Variants in RAP1GAP2 observed in about 807,000 individuals in gnomAD.
RAP1GAP2 encodes the protein RAP1 GTPase activating protein 2, also known as rap1 GTPase-activating protein 2.
RAP1GAP2 carries 27 observed loss-of-function variants against 95.0 expected under a neutral mutation model. That is an observed-to-expected ratio of 0.28 (90% CI 0.21 to 0.39). The LOEUF (loss-of-function observed/expected upper bound fraction) is 0.39. Among genes scored for constraint, RAP1GAP2 ranks in the 10% least tolerant of loss-of-function variants. The probability of loss-of-function intolerance (pLI) is 1.00; values close to 1 mark genes in which losing one functional copy is unlikely to be tolerated. For missense variants in RAP1GAP2, 771 were observed against 970.0 expected (o/e 0.79, Z 2.72); for synonymous variants, 373 against 380.9 (o/e 0.98, Z 0.24).
chr17:2,986,160 T>G (rs1195073970), intron 11 of RAP1GAP2, among the ~76,000 whole-genome samples: 1 of 152,242 alleles, frequency 6.6e-6, no homozygotes, highest in Non-Finnish European at 1.5e-5. Context: ...CTTTCTTGGT[T>G]AGACGACACC....
At chr17:2,872,851 C>G (rs1487061544) in intron 2 of RAP1GAP2, among the ~76,000 whole-genome samples, 2 of 151,926 alleles carry the variant, frequency 1.3e-5, no homozygotes, top group African/African-American at 4.8e-5. Flanking sequence ...TTTGTAGAGA[C>G]TGGATCCCAC....
intron 12 of RAP1GAP2, among the ~76,000 whole-genome samples, chr17:2,991,801 G>A (rs2045762315): frequency 2.0e-5 from 3 of 152,106 alleles, no homozygotes; most frequent in African/African-American, 7.2e-5. Flanking sequence ...GTCTTGCTCT[G>A]TTGCCCAGGC....
intron 2 of RAP1GAP2, among the ~76,000 whole-genome samples, chr17:2,807,215 A>G (rs1286070312): frequency 6.6e-6 from 1 of 151,916 alleles, no homozygotes; most frequent in Non-Finnish European, 1.5e-5. Context: ...CAATTTAATG[A>G]CTCTTTTCAT....
intron 3 of RAP1GAP2, among the ~76,000 whole-genome samples, chr17:2,956,843 T>C (rs2044124807): frequency 6.6e-6 from 1 of 152,048 alleles, no homozygotes; most frequent in African/African-American, 2.4e-5. Flanking sequence ...AAATAACCCA[T>C]CTAGGCTGGG....
intron 2 of RAP1GAP2, among the ~76,000 whole-genome samples, chr17:2,843,999 C>A (rs941355662): frequency 2.0e-5 from 3 of 151,804 alleles, no homozygotes; most frequent in Non-Finnish European, 4.4e-5. Context: ...AGATGGCCGG[C>A]GCGCTTTTTT....
chr17:2,961,050 T>C (rs2044302036), intron 4 of RAP1GAP2, among the ~76,000 whole-genome samples: 1 of 150,946 alleles, frequency 6.6e-6, no homozygotes, highest in Non-Finnish European at 1.5e-5. Context: ...ACCCCATCTC[T>C]ACTAAAAATG....
intron 2 of RAP1GAP2, among the ~76,000 whole-genome samples, chr17:2,894,605 G>A (rs1383449875): frequency 1.3e-5 from 2 of 151,988 alleles, no homozygotes; most frequent in African/African-American, 4.8e-5. Context: ...GGCTTGCCGT[G>A]CGTCCAGAAA....
intron 2 of RAP1GAP2, among the ~76,000 whole-genome samples, chr17:2,882,916 T>TA (rs2073361242): frequency 6.6e-6 from 1 of 152,214 alleles, no homozygotes; most frequent in South Asian, 2.1e-4. Context: ...GCTTTACAGA[T>TA]ACTCGCGGAA....
At chr17:3,020,270 T>G (rs2046911645) in intron 18 of RAP1GAP2, among the ~76,000 whole-genome samples, 1 of 152,210 alleles carries the variant, frequency 6.6e-6, no homozygotes, top group African/African-American at 2.4e-5. Context: ...ACCACAAGGT[T>G]TGGCTTAACA....
chr17:2,760,385 G>T (rs2071221576), intron 1 of RAP1GAP2, among the ~76,000 whole-genome samples: 1 of 151,086 alleles, frequency 6.6e-6, no homozygotes, highest in Non-Finnish European at 1.5e-5. Flanking sequence ...CTGTCGCCCA[G>T]GGTGGAGTGT....
At chr17:2,890,594 C>G (rs138557917) in intron 2 of RAP1GAP2, among the ~76,000 whole-genome samples, 1 of 151,914 alleles carries the variant, frequency 6.6e-6, no homozygotes, top group African/African-American at 2.4e-5. Flanking sequence ...TTGGGCTTGC[C>G]GGGAATTCAG....
chr17:2,853,520 A>G (rs1597442760), intron 2 of RAP1GAP2, among the ~76,000 whole-genome samples: 2 of 144,246 alleles, frequency 1.4e-5, no homozygotes, highest in African/African-American at 2.6e-5. Flanking sequence ...GGGCGAGGGG[A>G]GGCAGGGCCG....
intron 2 of RAP1GAP2, among the ~76,000 whole-genome samples, chr17:2,876,551 A>G (rs1390802881): frequency 6.6e-6 from 1 of 152,186 alleles, no homozygotes; most frequent in East Asian, 1.9e-4. Flanking sequence ...GAATCCATAG[A>G]AAGGAATGTC....
At chr17:2,803,872 A>G (rs2069403763) in intron 2 of RAP1GAP2, among the ~76,000 whole-genome samples, 1 of 152,212 alleles carries the variant, frequency 6.6e-6, no homozygotes, top group Non-Finnish European at 1.5e-5. Context: ...GAGTGAGACT[A>G]TGTCTCAAAA....
intron 2 of RAP1GAP2, among the ~76,000 whole-genome samples, chr17:2,804,938 C>G (rs1159187847): frequency 4.6e-5 from 7 of 152,198 alleles, no homozygotes; most frequent in Non-Finnish European, 1.0e-4. Context: ...TAGGAGTTTG[C>G]ATTCATGCCT....
intron 24 of RAP1GAP2, 123 bp downstream of exon 24, chr17:3,032,572 A>G (rs1372346783): frequency 8.4e-6 from 8 of 949,600 alleles, no homozygotes; most frequent in Non-Finnish European, 1.3e-5. Context: ...GGGATGTCCA[A>G]AGAGTCTCCT....
chr17:2,935,511 C>T (rs1202313502), intron 3 of RAP1GAP2, among the ~76,000 whole-genome samples: 2 of 152,084 alleles, frequency 1.3e-5, no homozygotes, highest in Non-Finnish European at 2.9e-5. Context: ...CTGTCACACA[C>T]ACACACACAC....
chr17:2,766,009 A>G (rs999060966), intron 1 of RAP1GAP2, among the ~76,000 whole-genome samples: 1 of 152,072 alleles, frequency 6.6e-6, no homozygotes, highest in African/African-American at 2.4e-5. Context: ...TGGCCGTCCT[A>G]TTATTTTCCA....
At chr17:2,834,721 C>A (rs2071054558) in intron 2 of RAP1GAP2, among the ~76,000 whole-genome samples, 1 of 151,938 alleles carries the variant, frequency 6.6e-6, no homozygotes, top group East Asian at 1.9e-4. Flanking sequence ...TGCTTGAGCC[C>A]ACGAGGTTGA....
Sources: allele counts gnomAD v4.1 joint callset (sites outside exome capture counted in the v4.1 genomes callset), GRCh38; gene constraint gnomAD v4.1.1; transcripts MANE v1.5; gene names NCBI Gene and HGNC (gene_info 2026-07-23, HGNC 2026-07-21).